ETV3: variants seen among roughly 807,000 people sequenced by gnomAD.
ETV3 encodes the protein ETS variant transcription factor 3.
A neutral mutation model predicts 33.0 loss-of-function variants in ETV3; 8 were observed. That is an observed-to-expected ratio of 0.24 (90% CI 0.14 to 0.44). The LOEUF (loss-of-function observed/expected upper bound fraction) is 0.44. Among genes scored for constraint, ETV3 ranks in the 20% least tolerant of loss-of-function variants. ETV3 has a pLI of 1.00. For missense variants in ETV3, 473 were observed against 652.3 expected (o/e 0.73, Z 2.99); for synonymous variants, 222 against 238.9 (o/e 0.93, Z 0.65).
intron 4 of ETV3, among the ~76,000 whole-genome samples, chr1:157,132,346 G>A (rs1354539829): frequency 6.6e-6 from 1 of 152,164 alleles, no homozygotes; most frequent in Non-Finnish European, 1.5e-5. Flanking sequence ...ACTATTGTTA[G>A]GTTTCTAGAT....
chr1:157,134,752 A>T (rs1571702149), intron 3 of ETV3, among the ~76,000 whole-genome samples: 1 of 152,196 alleles, frequency 6.6e-6, no homozygotes, highest in African/African-American at 2.4e-5. Flanking sequence ...GGCCCGCCTC[A>T]CCTTCAAAGA....
chr1:157,134,333 C>T, intron 3 of ETV3, 106 bp from the exon 4 acceptor site: 1 of 1,419,424 alleles, frequency 7.0e-7, no homozygotes, highest in Non-Finnish European at 9.3e-7. Context: ...GTATTACTTA[C>T]AAAAATCACT....
Position 157,125,188 on chromosome 1 carries a change from G to A in ETV3, c.1192C>T (p.Arg398Ter). The A allele has an allele frequency of 1.3e-6, 2 of 1,552,066 alleles. No homozygotes were observed. Among genetic ancestry groups the A allele is most frequent in the Non-Finnish European group, 8.7e-7 (1 of 1,147,070 alleles). Residue 398 changes from arginine to a stop codon, truncating the protein, a stop_gained, in exon 5 of 5, where the codon CGA (arginine) becomes TGA (stop). Coordinates refer to ENST00000368192, the MANE Select transcript of ETV3 (RefSeq NM_001145312.3). LOFTEE classifies it high-confidence loss of function. The surrounding 1 kb of genome is among the most constrained non-coding windows in gnomAD (Gnocchi z 4.0). ...TCTTGAGTGTGCTCCTCCTTCTCTC[G>A]TGCCGACTGCCTGAGGCTCTCAGGA... ...KDPESLRQSA[R>*]EKEEHTQEEG... is the part of the protein sequence containing the mutation.
rs1242871898 is a variant in ETV3 at position 157,134,115 on chromosome 1, T to C, written c.397A>G (p.Ser133Gly). The change falls in exon 4 of 5, where the codon AGT becomes GGT. Residue 133 changes from serine to glycine, a missense_variant. Ser to Gly is a moderately conservative substitution (Grantham distance 56). Coordinates refer to ENST00000368192, the MANE Select transcript of ETV3 (RefSeq NM_001145312.3). ...ACCAAAAGAGTTTGTATCTTACCAC[T>C]TGACCGAATGTTGATGAATGGGTAG... ...PNYPFINIRS[S>G]GVVPQSAPPV... is the part of the protein sequence containing the mutation. The C allele has an allele frequency of 4.3e-6, 7 of 1,613,352 alleles. No homozygotes were observed. Among genetic ancestry groups the C allele is most frequent in the Non-Finnish European group, 5.9e-6 (7 of 1,179,834 alleles).
At chr1:157,136,032 GT>G (rs1267672307) in intron 2 of ETV3, among the ~76,000 whole-genome samples, 1 of 152,192 alleles carries the variant, frequency 6.6e-6, no homozygotes, top group Non-Finnish European at 1.5e-5. Flanking sequence ...ATAAACTAAT[GT>G]TTCAGGAAAA....
At position 157,125,293 on chromosome 1, in the gene ETV3, C is replaced by T. The variant is rs1470284451; in HGVS notation, c.1087G>A (p.Glu363Lys). 8 of 1,551,962 alleles carry T rather than the reference C, an allele frequency of 5.2e-6. No individual in the cohort carries two copies. In the Admixed American group the frequency reaches 9.8e-5, roughly 19 times the overall value. ...GGCGTGGTGACTGGTGCTGACTCCT[C>T]GCTGCTCTCAACCCTCTCCCGGTTC... ...RKNRERVESSEESAPVTTPTM... is the reference protein window; with the variant it reads ...RKNRERVESSKESAPVTTPTM... Residue 363 changes from glutamate (E) to lysine (K), a missense_variant, in exon 5 of 5, where the codon GAG becomes AAG. Physicochemically the swap from Glu to Lys is moderately conservative, Grantham distance 56. Around this residue, in one of 3 missense-constraint regions of ETV3, gnomAD observed 410 missense variants for 520.2 expected, o/e 0.79. Coordinates refer to ENST00000368192, the MANE Select transcript of ETV3 (RefSeq NM_001145312.3). This position sits in a 1 kb window ranked among gnomAD's most constrained non-coding sequence, Gnocchi z 4.0.
chr1:157,133,690 C>T, intron 4 of ETV3: 2 of 993,762 alleles, frequency 2.0e-6, no homozygotes, highest in Non-Finnish European at 2.4e-6. Context: ...TGATGATATT[C>T]ACTTGATAAG....
Position 157,124,890 on chromosome 1 carries a change from C to T in ETV3, c.1490G>A (p.Trp497Ter), listed in dbSNP as rs746353974. The part of the protein sequence containing the change: ...RELSKSGKFL[W>*]NGSGPQGLAT... Reference sequence around the variant, plus strand: ...CAAGCCCTGGGGTCCTGACCCATTCCAGAGAAACTTGCCACTCTTGCTCAG... The same window carrying T: ...CAAGCCCTGGGGTCCTGACCCATTCTAGAGAAACTTGCCACTCTTGCTCAG... The change falls in exon 5 of 5, where the codon TGG becomes TAG. Residue 497 changes from tryptophan to a stop codon, truncating the protein, a stop_gained. Transcript: ENST00000368192. LOFTEE classifies it high-confidence loss of function. The T allele has an allele frequency of 6.4e-7, 1 of 1,551,384 alleles. No homozygotes were observed. Among genetic ancestry groups the T allele is most frequent in the South Asian group, 1.2e-5 (1 of 84,012 alleles).
chr1:157,135,247 CA>C (rs2103207530), intron 3 of ETV3: 1 of 617,016 alleles, frequency 1.6e-6, no homozygotes, highest in Admixed American at 3.0e-5. Flanking sequence ...CAGTGCCAGC[CA>C]CATTGGAATC....
Position 157,124,575 on chromosome 1 carries a change from G to A in ETV3, c.*266C>T, listed in dbSNP as rs1306372715. 22 of 332,360 alleles carry A rather than the reference G, an allele frequency of 6.6e-5. No homozygotes were observed. Among genetic ancestry groups the A allele is most frequent in the Non-Finnish European group, 1.0e-4 (19 of 183,706 alleles). 20.6% of individuals were successfully genotyped at this position (332,360 alleles called of 1,614,324 possible). A position where few individuals can be genotyped will look rare whatever the true frequency, so the allele number is the denominator to read the frequency against. ...GGAGTTTCCTTGTCAGAAAGTATAA[G>A]CCTCAACAGGAAATAGAGGCTCCTT... is the stretch of plus-strand genomic sequence containing the variant. On this transcript the variant is annotated 3_prime_UTR_variant, in exon 5 of 5. Transcript: ENST00000368192.
At chr1:157,134,362 G>T in intron 3 of ETV3, 135 bp from the exon 4 acceptor site, 1 of 1,160,944 alleles carries the variant, frequency 8.6e-7, no homozygotes, top group Non-Finnish European at 1.2e-6. Flanking sequence ...TTCGCAGCCT[G>T]GCCCTCCAGG....
rs996507949 is a variant in ETV3, at chr1:157,125,669, T to G, written c.711A>C (p.Pro237=). 12 of 1,551,660 alleles carry G rather than the reference T, an allele frequency of 7.7e-6. 1 individual carries two copies. In the East Asian group the frequency reaches 2.2e-4, roughly 28 times the overall value. ...GACTGTGGGGGTCAGGGTACATCCC[T>G]GGCCTAGCAAACAGAGGAAGCATTA... ...PDIMLPLFAR[P]GMYPDPHSPF... is the part of the protein sequence containing the mutation. The change falls in exon 5 of 5, where the codon CCA becomes CCC. Residue 237 remains proline, a synonymous_variant. Transcript: ENST00000368192. This position sits in a 1 kb window ranked among gnomAD's most constrained non-coding sequence, Gnocchi z 4.0.
Position 157,125,819 on chromosome 1 carries a change from T to C in ETV3, c.561A>G (p.Arg187=). Residue 187 remains arginine (R), a synonymous_variant, in exon 5 of 5, where the codon AGA becomes AGG. Transcript: ENST00000368192. This position sits in a 1 kb window ranked among gnomAD's most constrained non-coding sequence, Gnocchi z 4.0. ...CCTCCAGCTCTGAAAGCTCAGTCTT[T>C]CTATCAGTACCATTACTGGACTCCT... ...SGQESSNGTD[R]KTELSELEDG... 1.3e-6 allele frequency: 2 copies of C among 1,551,694 alleles called. No individual in the cohort carries two copies. The highest frequency in any genetic ancestry group is 1.7e-6 in the Non-Finnish European group (2 of 1,146,998).
At chr1:157,127,915 T>G (rs1296427449) in intron 4 of ETV3, among the ~76,000 whole-genome samples, 1 of 152,198 alleles carries the variant, frequency 6.6e-6, no homozygotes, top group African/African-American at 2.4e-5. Flanking sequence ...GAAAAAGGTA[T>G]GCCATCTGAA....
At position 157,135,692 on chromosome 1, in the gene ETV3, G is replaced by A. The variant is rs1473812980; in HGVS notation, c.63C>T (p.Asp21=). The A allele has an allele frequency of 1.2e-6, 2 of 1,614,230 alleles. No individual in the cohort carries two copies. Among genetic ancestry groups the A allele is most frequent in the South Asian group, 2.2e-5 (2 of 91,088 alleles). The change falls in exon 3 of 5, where the codon GAC becomes GAT. Residue 21 remains aspartate, a synonymous_variant. Transcript: ENST00000368192. ...PEGGGGYQFP[D]WAYKTESSPG... ...GGGATGACTCTGTTTTGTAGGCCCA[G>A]TCAGGAAACTGATACCCTTTCATGT...
chr1:157,130,788 A>AT (rs1674952224), intron 4 of ETV3, among the ~76,000 whole-genome samples: 1 of 152,180 alleles, frequency 6.6e-6, no homozygotes, highest in East Asian at 1.9e-4. Flanking sequence ...TTGTTAAATA[A>AT]TTTTTTTATT....
chr1:157,135,233 G>A (rs1244124171), intron 3 of ETV3: 1 of 601,986 alleles, frequency 1.7e-6, no homozygotes, highest in Non-Finnish European at 2.9e-6. Context: ...TGTCTGTCAG[G>A]ATCCAGTGCC....
intron 3 of ETV3, among the ~76,000 whole-genome samples, chr1:157,134,862 T>C (rs1424448647): frequency 1.3e-5 from 2 of 152,190 alleles, no homozygotes; most frequent in Non-Finnish European, 1.5e-5. Context: ...CTTACATCTA[T>C]GCAGTAGCAG....
chr1:157,125,050 G>A lies in ETV3; in HGVS notation c.1330C>T (p.Pro444Ser). The A allele has an allele frequency of 6.5e-7, 1 of 1,550,076 alleles. No individual in the cohort carries two copies. Among genetic ancestry groups the A allele is most frequent in the Non-Finnish European group, 8.7e-7 (1 of 1,146,160 alleles). The part of the protein sequence containing the change: ...SVPISTPSGE[P>S]LEVTEDSEDR... ...TCACTGTCTTCAGTCACCTCCAGAG[G>A]TTCTCCACTTGGGGTGCTAATGGGC... Residue 444 changes from proline (P) to serine (S), a missense_variant, in exon 5 of 5, where the codon CCT (proline) becomes TCT (serine). Physicochemically the swap from Pro to Ser is moderately conservative, Grantham distance 74 (BLOSUM62 -1). Coordinates refer to ENST00000368192, the MANE Select transcript of ETV3 (RefSeq NM_001145312.3). The surrounding 1 kb of genome is among the most constrained non-coding windows in gnomAD (Gnocchi z 4.0).
Sources: allele counts gnomAD v4.1 joint callset (sites outside exome capture counted in the v4.1 genomes callset), GRCh38; gene constraint gnomAD v4.1.1; regional missense constraint gnomAD v4.1.1; non-coding constraint Gnocchi (gnomAD v3.1); transcripts MANE v1.5; gene names NCBI Gene and HGNC (gene_info 2026-07-23, HGNC 2026-07-21).